The following ASTN2 variants were observed in gnomAD, a reference collection of about 807,000 sequenced individuals.
The protein encoded by ASTN2 is astrotactin 2.
Under a neutral mutation model 139.8 loss-of-function variants are expected in ASTN2, and 54 were observed. The ratio of observed to expected loss-of-function variants is 0.39; its 90% CI spans 0.31 to 0.48. ASTN2 has a LOEUF of 0.48. ASTN2 is among the 20% of genes least tolerant of loss of function. ASTN2 has a pLI of 0.95. For synonymous variants in ASTN2, 756 were observed against 719.5 expected, an observed-to-expected ratio of 1.05 and a Z score of -0.81; for missense variants, 1,565 against 1,725.1, an observed-to-expected ratio of 0.91 and a Z score of 1.64.
chr9:116,446,513 A>G (rs1281680761), intron 20 of ASTN2, among the ~76,000 whole-genome samples: 2 of 152,200 alleles, frequency 1.3e-5, no homozygotes, highest in African/African-American at 4.8e-5. Flanking sequence ...CCCACTTGCC[A>G]ATAGATTCAT....
At position 116,950,092 on chromosome 9, in the gene ASTN2, C is replaced by T. The variant is rs140237858; in HGVS notation, c.1889+25116G>A. On this transcript the variant is annotated intron_variant, in intron 10 of 22. Transcript: ENST00000313400. ...AGGAAGCCAGGAATGAAAGAGATAGCTCTAGAAGAGGCCAAGCTTTCTCAA... is the reference window on the plus strand; with the variant it reads ...AGGAAGCCAGGAATGAAAGAGATAGTTCTAGAAGAGGCCAAGCTTTCTCAA... Among the ~76,000 whole-genome samples, 302 of 152,150 alleles carry T rather than the reference C, an allele frequency of 2.0e-3. 3 individuals are homozygous for T. The Middle Eastern group carries it at 0.051, about 26-fold the overall frequency.
In ASTN2 at chr9:117,060,510, AAAGGAAGG is replaced by A. The variant is rs1168618485; in HGVS notation, c.1277-20553_1277-20546del. Among the ~76,000 whole-genome samples, 4 of 81,596 alleles carry A rather than the reference AAAGGAAGG, an allele frequency of 4.9e-5. No homozygotes were observed. The South Asian group carries it at 2.1e-3, about 43-fold the overall frequency. The allele number at this position is 81,596 out of a possible 152,430, so 53.5% of individuals were successfully genotyped here. On this transcript the variant is annotated intron_variant, in intron 5 of 22. Coordinates refer to ENST00000313400, the MANE Select transcript of ASTN2 (RefSeq NM_001365068.1). ...GAATGAAAGAAAGAAAGAAAGAAAG[AAAGGAAGG>A]AAGGAAGGAAGGAAGGAAAGAAAGA...
intron 19 of ASTN2, chr9:116,561,964 AAT>A (rs1489637659): frequency 6.6e-6 from 1 of 152,234 alleles, no homozygotes; most frequent in African/African-American, 2.4e-5. Context: ...AATGTTGGGT[AAT>A]TTCTTCTTCC....
intron 19 of ASTN2, among the ~76,000 whole-genome samples, chr9:116,512,759 G>C (rs2119195453): frequency 6.6e-6 from 1 of 152,164 alleles, no homozygotes; most frequent in South Asian, 2.1e-4. Flanking sequence ...TTATGTAATG[G>C]CCTTCTTTGT....
At chr9:116,694,459 CTTTTTT>C (rs56666915) in intron 16 of ASTN2, among the ~76,000 whole-genome samples, 3 of 88,038 alleles carry the variant, frequency 3.4e-5, no homozygotes, top group Admixed American at 3.2e-4. Context: ...TGTAATTTCT[CTTTTTT>C]TTTTTTTTTT....
At chr9:116,767,948 G>C (rs527607910) in intron 13 of ASTN2, among the ~76,000 whole-genome samples, 62 of 152,266 alleles carry the variant, frequency 4.1e-4, no homozygotes, top group African/African-American at 1.5e-3. Flanking sequence ...CATAGATCTA[G>C]TTATCTTTTC....
chr9:116,736,263 A>T (rs1235935761), intron 13 of ASTN2, among the ~76,000 whole-genome samples: 1 of 152,248 alleles, frequency 6.6e-6, no homozygotes, highest in Non-Finnish European at 1.5e-5. Flanking sequence ...TTTATTATGT[A>T]CTAAAAAATG....
At chr9:116,530,862 G>A (rs893328903) in intron 19 of ASTN2, among the ~76,000 whole-genome samples, 39 of 152,184 alleles carry the variant, frequency 2.6e-4, no homozygotes, top group African/African-American at 8.2e-4. Context: ...AGCTTCATTT[G>A]ATAATCCCCC....
intron 6 of ASTN2, among the ~76,000 whole-genome samples, chr9:117,022,256 T>C (rs944866274): frequency 2.6e-5 from 4 of 152,008 alleles, no homozygotes; most frequent in Non-Finnish European, 4.4e-5. Flanking sequence ...AAAAACAAAA[T>C]TAAAAGTTGT....
At chr9:117,372,897 T>C (rs1830025304) in intron 1 of ASTN2, among the ~76,000 whole-genome samples, 2 of 152,056 alleles carry the variant, frequency 1.3e-5, no homozygotes, top group Non-Finnish European at 2.9e-5. Flanking sequence ...AAAACTTGGA[T>C]TTGGAACCGG....
chr9:117,078,168 G>A (rs1466884959), intron 5 of ASTN2, among the ~76,000 whole-genome samples: 1 of 152,150 alleles, frequency 6.6e-6, no homozygotes, highest in Non-Finnish European at 1.5e-5. Context: ...AAAATATCCT[G>A]TAGAGCATCA....
chr9:116,538,433 G>T (rs1453431213), intron 19 of ASTN2, among the ~76,000 whole-genome samples: 1 of 152,126 alleles, frequency 6.6e-6, no homozygotes, highest in African/African-American at 2.4e-5. Flanking sequence ...TCAGGGATGT[G>T]TGGCCCATGA....
intron 16 of ASTN2, among the ~76,000 whole-genome samples, chr9:116,669,594 T>C (rs1327178640): frequency 6.6e-6 from 1 of 152,236 alleles, no homozygotes; most frequent in African/African-American, 2.4e-5. Flanking sequence ...TATTAAAGTC[T>C]TCAGCCCATT....
At chr9:117,203,626 G>A (rs1831808276) in intron 3 of ASTN2, among the ~76,000 whole-genome samples, 2 of 152,008 alleles carry the variant, frequency 1.3e-5, no homozygotes, top group Admixed American at 1.3e-4. Context: ...TAGAGCTGCT[G>A]CAGTTTGCTG....
At chr9:117,409,194 A>G (rs1831091792) in intron 1 of ASTN2, among the ~76,000 whole-genome samples, 1 of 152,102 alleles carries the variant, frequency 6.6e-6, no homozygotes, top group South Asian at 2.1e-4. Flanking sequence ...CACACATAAG[A>G]AAAAAAAGTG....
intron 2 of ASTN2, among the ~76,000 whole-genome samples, chr9:117,275,965 A>G (rs1205536440): frequency 6.6e-6 from 1 of 152,164 alleles, no homozygotes; most frequent in African/African-American, 2.4e-5. Context: ...GAGCTTCAAC[A>G]TATTAATTTG....
intron 1 of ASTN2, among the ~76,000 whole-genome samples, chr9:117,398,379 A>C (rs1830734205): frequency 6.6e-6 from 1 of 152,200 alleles, no homozygotes; most frequent in South Asian, 2.1e-4. Context: ...AATGTTTTTT[A>C]AATGTCTAAA....
At chr9:117,162,065 A>C (rs1428086187) in intron 3 of ASTN2, among the ~76,000 whole-genome samples, 1 of 152,054 alleles carries the variant, frequency 6.6e-6, no homozygotes, top group East Asian at 1.9e-4. Flanking sequence ...TTGAAGTGAC[A>C]CATATCAGAA....
chr9:117,188,583 C>CTT (rs1831267657), intron 3 of ASTN2, among the ~76,000 whole-genome samples: 1 of 152,178 alleles, frequency 6.6e-6, no homozygotes, highest in Non-Finnish European at 1.5e-5. Context: ...TAGCTGGGAA[C>CTT]TCTTCAGAAA....
Sources: allele counts gnomAD v4.1 joint callset (sites outside exome capture counted in the v4.1 genomes callset), GRCh38; gene constraint gnomAD v4.1.1; transcripts MANE v1.5; gene names NCBI Gene and HGNC (gene_info 2026-07-23, HGNC 2026-07-21).